Variants in GPATCH1 observed in about 807,000 individuals in gnomAD.
GPATCH1 encodes G-patch domain containing 1.
GPATCH1 carries 73 observed loss-of-function variants against 114.9 expected under a neutral mutation model. The ratio of observed to expected loss-of-function variants is 0.64; its 90% CI spans 0.53 to 0.77. The LOEUF is 0.77. GPATCH1 is among the 30% of genes least tolerant of loss of function. GPATCH1 has a pLI of 0.00. For synonymous variants in GPATCH1, 391 were observed against 428.4 expected (o/e 0.91, Z 1.08); for missense variants, 1,058 against 1,144.3 (o/e 0.92, Z 1.09).
intron 10 of GPATCH1, among the ~76,000 whole-genome samples, chr19:33,108,483 T>C (rs1972812505): frequency 5.9e-5 from 9 of 151,998 alleles, no homozygotes; most frequent in African/African-American, 2.2e-4. Flanking sequence ...CTTTCTGTTC[T>C]TCCCTCATAT....
At chr19:33,087,746 T>C (rs560102977) in intron 1 of GPATCH1, among the ~76,000 whole-genome samples, 135 of 150,420 alleles carry the variant, frequency 9.0e-4, no homozygotes, top group Non-Finnish European at 1.5e-3. Flanking sequence ...TGCAGTGGTG[T>C]GATCTCGGCT....
At chr19:33,085,447 C>T (rs915398657) in intron 1 of GPATCH1, among the ~76,000 whole-genome samples, 6 of 152,016 alleles carry the variant, frequency 3.9e-5, no homozygotes, top group African/African-American at 1.4e-4. Flanking sequence ...TCTAATGACT[C>T]GAACCACTCC....
intron 8 of GPATCH1, chr19:33,100,078 A>T (rs1346047486): frequency 4.0e-5 from 6 of 151,612 alleles, no homozygotes; most frequent in Non-Finnish European, 7.4e-5. Flanking sequence ...GCCATGGTTG[A>T]TTTTTAAATT....
At chr19:33,087,097 T>G (rs1416945186) in intron 1 of GPATCH1, among the ~76,000 whole-genome samples, 2 of 152,202 alleles carry the variant, frequency 1.3e-5, no homozygotes, top group East Asian at 3.8e-4. Flanking sequence ...ATTTTACAGA[T>G]AAGTAAATTG....
chr19:33,105,224 G>A (rs763798673), intron 9 of GPATCH1, among the ~76,000 whole-genome samples: 54 of 151,668 alleles, frequency 3.6e-4, no homozygotes, highest in South Asian at 8.3e-4. Context: ...TTGAGGTCAG[G>A]AGTTTGAGAC....
chr19:33,125,082 T>G lies in GPATCH1; in HGVS notation c.2522-23T>G. ...TTGTTTTCGTGCTATATAGGTCCTGTGTTTATTACCTTTGTGTTTCAGATG... is the reference window on the plus strand; with the variant it reads ...TTGTTTTCGTGCTATATAGGTCCTGGGTTTATTACCTTTGTGTTTCAGATG... On this transcript the variant is annotated intron_variant, in intron 17 of 19. Coordinates refer to ENST00000170564, the MANE Select transcript of GPATCH1 (RefSeq NM_018025.3). The G allele has an allele frequency of 6.3e-7, 1 of 1,580,374 alleles. No individual in the cohort carries two copies. Among genetic ancestry groups the G allele is most frequent in the African/African-American group, 1.4e-5 (1 of 73,792 alleles).
chr19:33,090,969 CTTTG>C, intron 3 of GPATCH1, 104 bp downstream of exon 3: 7 of 705,576 alleles, frequency 9.9e-6, no homozygotes, highest in South Asian at 1.5e-5. Context: ...ACGATTTCCT[CTTTG>C]TTTGTAAGGC....
At chr19:33,109,522 T>C (rs910363509) in intron 10 of GPATCH1, among the ~76,000 whole-genome samples, 195 bp from the exon 11 acceptor site, 1 of 151,940 alleles carries the variant, frequency 6.6e-6, no homozygotes, top group Non-Finnish European at 1.5e-5. Context: ...AAAATAATAA[T>C]AATAATAAGA....
intron 1 of GPATCH1, among the ~76,000 whole-genome samples, chr19:33,082,037 T>C (rs1972484132): frequency 6.8e-6 from 1 of 147,420 alleles, no homozygotes; most frequent in African/African-American, 2.5e-5. Flanking sequence ...TCTTTGATGT[T>C]GAGAATACAC....
rs563529291 is a variant in GPATCH1, at chr19:33,095,797, C to A, written c.589C>A (p.Pro197Thr). Residue 197 changes from proline to threonine, a missense_variant, in exon 6 of 20, where the codon CCT (proline) becomes ACT (threonine). Pro to Thr is a conservative substitution (Grantham distance 38). Coordinates refer to ENST00000170564, the MANE Select transcript of GPATCH1 (RefSeq NM_018025.3). Reference sequence around the variant, plus strand: ...CAAAATCTATGGCTGTGCATTACCCCCTGGAAGCTCGGAAGGATCTGAGGT... The same window carrying A: ...CAAAATCTATGGCTGTGCATTACCCACTGGAAGCTCGGAAGGATCTGAGGT... ...GVKIYGCALP[P>T]GSSEGSEGED... The A allele has an allele frequency of 8.7e-6, 14 of 1,611,222 alleles. No individual in the cohort carries two copies. The highest frequency in any genetic ancestry group is 5.0e-5 in the Admixed American group (3 of 59,986).
At chr19:33,083,560 A>G (rs949774438) in intron 1 of GPATCH1, among the ~76,000 whole-genome samples, 1 of 151,344 alleles carries the variant, frequency 6.6e-6, no homozygotes, top group Non-Finnish European at 1.5e-5. Context: ...ACGCCTGGCT[A>G]ATTTTTGTAT....
At chr19:33,090,522 C>A (rs1423418960) in intron 2 of GPATCH1, among the ~76,000 whole-genome samples, 1 of 152,070 alleles carries the variant, frequency 6.6e-6, no homozygotes, top group Non-Finnish European at 1.5e-5. Flanking sequence ...GTTTAACTTT[C>A]AATGTGTAAT....
chr19:33,118,277 C>A (rs543268715), intron 16 of GPATCH1, among the ~76,000 whole-genome samples: 2 of 149,858 alleles, frequency 1.3e-5, no homozygotes, highest in South Asian at 4.2e-4. Context: ...CTCCTGGGCT[C>A]AAGCAATCCT....
In GPATCH1 at chr19:33,096,399, G is replaced by A. The variant is rs1972660064; in HGVS notation, c.805G>A (p.Gly269Arg). 4 of 1,613,932 alleles carry A rather than the reference G, an allele frequency of 2.5e-6. No individual in the cohort carries two copies. The highest frequency in any genetic ancestry group is 3.4e-6 in the Non-Finnish European group (4 of 1,179,840). The part of the protein sequence containing the change: ...SGGSERAGDL[G>R]EIGLNKGRKL... ...TGGTTCTGAGAGAGCTGGCGATCTTGGAGAAATTGGACTGAATAAAGGAAG... is the reference window on the plus strand; with the variant it reads ...TGGTTCTGAGAGAGCTGGCGATCTTAGAGAAATTGGACTGAATAAAGGAAG... The change falls in exon 7 of 20, where the codon GGA (glycine) becomes AGA (arginine). Residue 269 changes from glycine to arginine, a missense_variant. Around this residue, in one of 3 missense-constraint regions of GPATCH1, gnomAD observed 893 missense variants for 977.4 expected, o/e 0.91. Coordinates refer to ENST00000170564, the MANE Select transcript of GPATCH1 (RefSeq NM_018025.3).
intron 17 of GPATCH1, among the ~76,000 whole-genome samples, chr19:33,119,742 T>A (rs1333194357): frequency 7.0e-6 from 1 of 143,162 alleles, no homozygotes; most frequent in Non-Finnish European, 1.5e-5. Flanking sequence ...TGGCTCTAGC[T>A]GGGCTGGTGG....
At chr19:33,104,600 C>A (rs766983881) in intron 9 of GPATCH1, among the ~76,000 whole-genome samples, 18 of 152,074 alleles carry the variant, frequency 1.2e-4, no homozygotes, top group Non-Finnish European at 2.2e-4. Context: ...TAACAACCAC[C>A]TGGGGAGCTT....
Position 33,106,808 on chromosome 19 carries a change from T to G in GPATCH1, c.1194T>G (p.Ala398=), listed in dbSNP as rs766848234. The change falls in exon 10 of 20, where the codon GCT becomes GCG. Residue 398 remains alanine, a synonymous_variant. Transcript: ENST00000170564. The stretch of plus-strand genomic sequence containing the variant: ...TACTGCAGGTATTATCAGAGTCAGC[T>G]GGAAAGGCAACGCCTGACCCAGGGA... ...SHLLQVLSES[A]GKATPDPGTH... 2 of 1,613,768 alleles carry G rather than the reference T, an allele frequency of 1.2e-6. No individual in the cohort carries two copies. Among genetic ancestry groups the G allele is most frequent in the African/African-American group, 2.7e-5 (2 of 74,882 alleles).
intron 11 of GPATCH1, 27 bp from the exon 12 acceptor site, chr19:33,111,697 G>T (rs1258971334): frequency 1.2e-6 from 2 of 1,609,232 alleles, no homozygotes; most frequent in Non-Finnish European, 1.7e-6. Context: ...GAAAAGTGAA[G>T]CTGCTTCTTG....
At chr19:33,104,344 A>AAAAAAAAAC (rs1972760054) in intron 9 of GPATCH1, among the ~76,000 whole-genome samples, 1 of 117,344 alleles carries the variant, frequency 8.5e-6, no homozygotes, top group African/African-American at 5.3e-5. Flanking sequence ...GTCTCAAAAA[A>AAAAAAAAAC]AAGAAAGAAA....
Sources: allele counts gnomAD v4.1 joint callset (sites outside exome capture counted in the v4.1 genomes callset), GRCh38; gene constraint gnomAD v4.1.1; regional missense constraint gnomAD v4.1.1; transcripts MANE v1.5; gene names NCBI Gene and HGNC (gene_info 2026-07-23, HGNC 2026-07-21).